Variants in UBN1 observed in about 807,000 individuals in gnomAD.
UBN1 encodes the protein ubinuclein-1.
UBN1 carries 17 observed loss-of-function variants against 108.5 expected under a neutral mutation model. The ratio of observed to expected loss-of-function variants is 0.16; its 90% CI spans 0.11 to 0.24. UBN1 has a LOEUF of 0.24. Ranked by LOEUF, UBN1 falls within the 10% of genes least tolerant of loss-of-function variation. The pLI is 1.00. For missense variants in UBN1, 1,595 were observed against 1,394.4 expected (o/e 1.14, Z -2.29); for synonymous variants, 726 against 564.2 (o/e 1.29, Z -4.07).
chr16:4,873,499 A>G (rs2087737042), intron 14 of UBN1, among the ~76,000 whole-genome samples: 2 of 152,242 alleles, frequency 1.3e-5, no homozygotes, highest in South Asian at 4.1e-4. Flanking sequence ...TGGCTGGAGA[A>G]TAGACACTGT....
At chr16:4,860,041 C>G in intron 6 of UBN1, 73 bp downstream of exon 6, 1 of 1,582,510 alleles carries the variant, frequency 6.3e-7, no homozygotes, top group Non-Finnish European at 8.6e-7. Context: ...GCTGACTCAC[C>G]TCCTCCCCAC....
chr16:4,851,495 T>A (rs1316493883), intron 1 of UBN1, among the ~76,000 whole-genome samples: 1 of 152,144 alleles, frequency 6.6e-6, no homozygotes, highest in Non-Finnish European at 1.5e-5. Context: ...TAAGATCTGG[T>A]TGGAGACGAA....
intron 12 of UBN1, among the ~76,000 whole-genome samples, chr16:4,871,774 A>C (rs1480420824): frequency 1.3e-5 from 2 of 151,130 alleles, no homozygotes; most frequent in Non-Finnish European, 2.9e-5. Flanking sequence ...TTTTAGTAGA[A>C]ATGGGGTTTC....
At chr16:4,872,795 C>G in intron 12 of UBN1, 89 bp from the exon 13 acceptor site, 2 of 1,466,024 alleles carry the variant, frequency 1.4e-6, no homozygotes, top group Non-Finnish European at 1.9e-6. Flanking sequence ...GGGATAGCTA[C>G]TGAGGACCAG....
intron 7 of UBN1, among the ~76,000 whole-genome samples, chr16:4,864,956 A>G (rs1011170577): frequency 5.3e-5 from 8 of 152,226 alleles, no homozygotes; most frequent in African/African-American, 1.9e-4. Flanking sequence ...AGTATATAAG[A>G]TTTTGAGCTG....
At chr16:4,855,824 C>T (rs2086783963) in intron 2 of UBN1, among the ~76,000 whole-genome samples, 1 of 152,102 alleles carries the variant, frequency 6.6e-6, no homozygotes, top group Non-Finnish European at 1.5e-5. Context: ...TAGGCTGAGG[C>T]AGGATAATTG....
At chr16:4,878,914 A>T (rs2087996526) in intron 17 of UBN1, among the ~76,000 whole-genome samples, 1 of 152,182 alleles carries the variant, frequency 6.6e-6, no homozygotes, top group Admixed American at 6.5e-5. Context: ...TAGGAAGCTG[A>T]GGCAGAAGGA....
chr16:4,853,183 C>G lies in UBN1; in HGVS notation c.249+17C>G. The G allele has an allele frequency of 1.9e-6, 3 of 1,613,036 alleles. No homozygotes were observed. The highest frequency in any genetic ancestry group is 2.5e-6 in the Non-Finnish European group (3 of 1,179,738). ...GGAGATAAGGTACACCCCTTTGTTC[C>G]CAGAGGCGCTGCAGGTTTAACGCAC... On this transcript the variant is annotated intron_variant, in intron 2 of 17. Coordinates refer to ENST00000262376, the MANE Select transcript of UBN1 (RefSeq NM_001079514.3).
Position 4,859,951 on chromosome 16 carries a change from C to T in UBN1, c.654C>T (p.Ser218=). 6.2e-7 allele frequency: 1 copy of T among 1,614,048 alleles called. No homozygotes were observed. The highest frequency in any genetic ancestry group is 8.5e-7 in the Non-Finnish European group (1 of 1,179,988). The part of the protein sequence containing the change: ...TYDKEKKSKK[S]KFSKAGFTAL... Reference sequence around the variant, plus strand: ...ACAAGGAGAAGAAATCGAAAAAGTCCAAGTTTTCCAAAGCCGGGTGAGAGG... The same window carrying T: ...ACAAGGAGAAGAAATCGAAAAAGTCTAAGTTTTCCAAAGCCGGGTGAGAGG... The change falls in exon 6 of 18, where the codon TCC becomes TCT. Residue 218 remains serine, a synonymous_variant. Transcript: ENST00000262376.
At chr16:4,874,081 C>G in intron 14 of UBN1, 130 bp from the exon 15 acceptor site, 1 of 1,179,662 alleles carries the variant, frequency 8.5e-7, no homozygotes, top group South Asian at 1.6e-5. Flanking sequence ...CTCTGTCCCA[C>G]CACTTGTCTT....
chr16:4,870,367 T>C (rs761450820), intron 9 of UBN1, 26 bp downstream of exon 9: 1 of 1,613,416 alleles, frequency 6.2e-7, no homozygotes, highest in East Asian at 2.2e-5. Context: ...GTGAAGCCCT[T>C]TGGCTTTGGG....
At chr16:4,866,918 T>C (rs2087361882) in intron 7 of UBN1, among the ~76,000 whole-genome samples, 1 of 152,198 alleles carries the variant, frequency 6.6e-6, no homozygotes, top group African/African-American at 2.4e-5. Flanking sequence ...TTGTGATGTG[T>C]GGACGGCCAG....
rs1244708566 is a variant in UBN1, at chr16:4,859,970, TGA to T, written c.671+6_671+7del. ...AAAGTCCAAGTTTTCCAAAGCCGGG[TGA>T]GAGGCAGCAGCTTCTTTGCTAGGAT... On this transcript the variant is annotated splice_donor_region_variant and intron_variant, in intron 6 of 17. Coordinates refer to ENST00000262376, the MANE Select transcript of UBN1 (RefSeq NM_001079514.3). 6.2e-7 allele frequency: 1 copy of T among 1,614,046 alleles called. No individual in the cohort carries two copies. Among genetic ancestry groups the T allele is most frequent in the Non-Finnish European group, 8.5e-7 (1 of 1,179,968 alleles).
At chr16:4,860,104 C>A in intron 6 of UBN1, 136 bp downstream of exon 6, 2 of 1,049,198 alleles carry the variant, frequency 1.9e-6, no homozygotes, top group Non-Finnish European at 2.7e-6. Context: ...GCACGCCTCC[C>A]GCAGTGCCAT....
rs1412844076 is a variant in UBN1 at position 4,871,228 on chromosome 16, T to C, written c.1633T>C (p.Trp545Arg). The change falls in exon 12 of 18, where the codon TGG becomes CGG. Residue 545 changes from tryptophan to arginine, a missense_variant. Trp to Arg is a moderately radical substitution (Grantham distance 101). Coordinates refer to ENST00000262376, the MANE Select transcript of UBN1 (RefSeq NM_001079514.3). ...GGAGAGGAACAACAAAGCCCAGGCT[T>C]GGGAGGACTGTGTGAAGGGCTTTCT... Reference protein sequence around the residue: ...DLERNNKAQAWEDCVKGFLDA... With the variant: ...DLERNNKAQAREDCVKGFLDA... 1.2e-6 allele frequency: 2 copies of C among 1,614,056 alleles called. No homozygotes were observed. Among genetic ancestry groups the C allele is most frequent in the Admixed American group, 3.3e-5 (2 of 59,998 alleles).
intron 14 of UBN1, 21 bp downstream of exon 14, chr16:4,873,094 C>T (rs759322073): frequency 2.5e-6 from 4 of 1,614,140 alleles, no homozygotes; most frequent in Non-Finnish European, 8.5e-7. Context: ...TTGCTCGGGT[C>T]ACATGTCAGC....
At chr16:4,869,469 T>C (rs1343688227) in intron 8 of UBN1, among the ~76,000 whole-genome samples, 2 of 152,264 alleles carry the variant, frequency 1.3e-5, no homozygotes, top group Admixed American at 6.5e-5. Context: ...AAGTGAATCC[T>C]TGTGGCCTGG....
At chr16:4,855,356 T>G (rs2142134814) in intron 2 of UBN1, among the ~76,000 whole-genome samples, 1 of 152,258 alleles carries the variant, frequency 6.6e-6, no homozygotes, top group South Asian at 2.1e-4. Context: ...GGCTCACACC[T>G]GTAATCCCAG....
chr16:4,874,477 G>C lies in UBN1; in HGVS notation c.2067G>C (p.Gly689=). 1 of 1,614,210 alleles carries C rather than the reference G, an allele frequency of 6.2e-7. No individual in the cohort carries two copies. The highest frequency in any genetic ancestry group is 8.5e-7 in the Non-Finnish European group (1 of 1,180,032). ...CTGCATTGAATAGCAGAGCAGCTGGGAACTCTGAATTCACACTGCCTGCAC... is the reference window on the plus strand; with the variant it reads ...CTGCATTGAATAGCAGAGCAGCTGGCAACTCTGAATTCACACTGCCTGCAC... ...ELAALNSRAA[G]NSEFTLPAPS... Residue 689 remains glycine (G), a synonymous_variant, in exon 15 of 18, where the codon GGG becomes GGC. Transcript: ENST00000262376.
Sources: allele counts gnomAD v4.1 joint callset (sites outside exome capture counted in the v4.1 genomes callset), GRCh38; gene constraint gnomAD v4.1.1; transcripts MANE v1.5; gene names NCBI Gene and HGNC (gene_info 2026-07-23, HGNC 2026-07-21).